Variants in DVL3 observed in about 807,000 individuals in gnomAD.
DVL3 encodes segment polarity protein dishevelled homolog DVL-3.
DVL3 carries 27 observed loss-of-function variants against 67.4 expected under a neutral mutation model. The ratio of observed to expected loss-of-function variants is 0.40; its 90% CI spans 0.30 to 0.55. The LOEUF (loss-of-function observed/expected upper bound fraction) is 0.55. Among genes scored for constraint, DVL3 ranks in the 20% least tolerant of loss-of-function variants. The pLI, the probability that DVL3 is intolerant of heterozygous loss-of-function variation, is 0.46. For missense variants in DVL3, 819 were observed against 1,021.5 expected (o/e 0.80, Z 2.70); for synonymous variants, 369 against 396.8 (o/e 0.93, Z 0.83).
rs183721859 is a variant in DVL3, at chr3:184,166,010, C to T, written c.764-116C>T. ...ATGTTTGAGCATGCTGAGTGCAGTG[C>T]CTGATTCAGGATCAGCAAATGTCAG... On this transcript the variant is annotated intron_variant, in intron 7 of 14. Coordinates refer to ENST00000313143, the MANE Select transcript of DVL3 (RefSeq NM_004423.4). The surrounding 1 kb of genome is among the most constrained non-coding windows in gnomAD (Gnocchi z 6.7). 2.7e-5 allele frequency: 35 copies of T among 1,288,138 alleles called. No homozygotes were observed. In the African/African-American group the frequency reaches 5.1e-4, roughly 19 times the overall value. 79.8% of individuals were successfully genotyped at this position (1,288,138 alleles called of 1,614,324 possible). A position where few individuals can be genotyped will look rare whatever the true frequency, so the allele number is the denominator to read the frequency against.
In DVL3 at chr3:184,163,679, G is replaced by A. The variant is rs774816506; in HGVS notation, c.184G>A (p.Asp62Asn). 1 of 1,614,040 alleles carries A rather than the reference G, an allele frequency of 6.2e-7. No homozygotes were observed. Among genetic ancestry groups the A allele is most frequent in the South Asian group, 1.1e-5 (1 of 91,070 alleles). ...DFGVVKEEIS[D>N]DNAKLPCFNG... Reference sequence around the variant, plus strand: ...CAGAGTGGTGAAGGAGGAGATCTCGGATGACAATGCCAAGCTACCATGCTT... The same window carrying A: ...CAGAGTGGTGAAGGAGGAGATCTCGAATGACAATGCCAAGCTACCATGCTT... The change falls in exon 2 of 15, where the codon GAT (aspartate) becomes AAT (asparagine). Residue 62 changes from aspartate (D) to asparagine (N), a missense_variant. By Grantham distance (23) the Asp-to-Asn change is conservative. This residue lies in a region of DVL3 where 385 missense variants were observed against 486.8 expected (regional missense o/e 0.79). Transcript: ENST00000313143. This position sits in a 1 kb window ranked among gnomAD's most constrained non-coding sequence, Gnocchi z 4.5.
intron 13 of DVL3, among the ~76,000 whole-genome samples, chr3:184,169,330 T>C (rs192535736): frequency 1.3e-5 from 2 of 152,348 alleles, no homozygotes; most frequent in African/African-American, 4.8e-5. Flanking sequence ...CTGGTGGCTG[T>C]CTAGTATTTC....
At chr3:184,169,941 A>G in intron 13 of DVL3, 65 bp from the exon 14 acceptor site, 2 of 1,438,842 alleles carry the variant, frequency 1.4e-6, no homozygotes, top group South Asian at 1.3e-5. Context: ...TCCAGAGCCC[A>G]CCTGACCTAG....
intron 1 of DVL3, among the ~76,000 whole-genome samples, chr3:184,158,843 T>G (rs1261353101): frequency 1.3e-5 from 2 of 149,948 alleles, no homozygotes; most frequent in Admixed American, 6.7e-5. Context: ...TGGCGCAATC[T>G]CGGCTCACTG....
Position 184,155,767 on chromosome 3 carries a change from C to T in DVL3, c.132C>T (p.Phe44=), listed in dbSNP as rs1336455122. ...TTTTGCAGCGACCCAGCTATAAGTT[C>T]TTCTTCAAGTCTATGGACGACGATT... ...KGVLQRPSYK[F]FFKSMDDDFG... The change falls in exon 1 of 15, where the codon TTC becomes TTT. Residue 44 remains phenylalanine (F), a synonymous_variant. Coordinates refer to ENST00000313143, the MANE Select transcript of DVL3 (RefSeq NM_004423.4). This position sits in a 1 kb window ranked among gnomAD's most constrained non-coding sequence, Gnocchi z 5.4. The T allele has an allele frequency of 6.2e-7, 1 of 1,612,590 alleles. No individual in the cohort carries two copies. The highest frequency in any genetic ancestry group is 1.3e-5 in the African/African-American group (1 of 74,914).
rs1257686808 is a variant in DVL3 at position 184,164,031 on chromosome 3, C to T, written c.232-236C>T. 6.6e-6 allele frequency among the ~76,000 whole-genome samples: 1 copy of T among 152,112 alleles called. No homozygotes were observed. ...TCATCTCTGCCTTAGACCTCTGAGCCTTGTTCTTTGTCCCCATTCCACTTC... is the reference window on the plus strand; with the variant it reads ...TCATCTCTGCCTTAGACCTCTGAGCTTTGTTCTTTGTCCCCATTCCACTTC... On this transcript the variant is annotated intron_variant, in intron 2 of 14. Transcript: ENST00000313143. The surrounding 1 kb of genome is among the most constrained non-coding windows in gnomAD (Gnocchi z 5.3).
chr3:184,168,252 C>T (rs1414690536), intron 13 of DVL3, among the ~76,000 whole-genome samples, 187 bp downstream of exon 13: 2 of 152,206 alleles, frequency 1.3e-5, no homozygotes, highest in Non-Finnish European at 2.9e-5. Flanking sequence ...CCACATCTCC[C>T]TCTTGGGCCT....
chr3:184,167,669 G>T lies in DVL3; in HGVS notation c.1288G>T (p.Asp430Tyr). 6.2e-7 allele frequency: 1 copy of T among 1,613,618 alleles called. No homozygotes were observed. The highest frequency in any genetic ancestry group is 1.1e-5 in the South Asian group (1 of 91,012). Residue 430 changes from aspartate to tyrosine, a missense_variant, in exon 12 of 15, where the codon GAC becomes TAC. Coordinates refer to ENST00000313143, the MANE Select transcript of DVL3 (RefSeq NM_004423.4). This position sits in a 1 kb window ranked among gnomAD's most constrained non-coding sequence, Gnocchi z 4.6. ...CCCTGAATCAGGGTTGGAGGTCCGTGACCGCATGTGGCTCAAGATTACCAT... is the reference window on the plus strand; with the variant it reads ...CCCTGAATCAGGGTTGGAGGTCCGTTACCGCATGTGGCTCAAGATTACCAT... ...ASPESGLEVR[D>Y]RMWLKITIPN... is the part of the protein sequence containing the mutation.
In DVL3 at chr3:184,172,419, T is replaced by G. The variant is rs2109025130; in HGVS notation, c.*1664T>G. Reference sequence around the variant, plus strand: ...TTGGGGTAAACCAAGGTAGGAACATTTTGGCATTTATTTCAATTAACAATA... The same window carrying G: ...TTGGGGTAAACCAAGGTAGGAACATGTTGGCATTTATTTCAATTAACAATA... On this transcript the variant is annotated 3_prime_UTR_variant, in exon 15 of 15. Transcript: ENST00000313143. 1 of 152,220 alleles carries G rather than the reference T, an allele frequency of 6.6e-6. No individual in the cohort carries two copies. The highest frequency in any genetic ancestry group is 2.1e-4 in the South Asian group (1 of 4,828). 9.4% of individuals were successfully genotyped at this position (152,220 alleles called of 1,614,324 possible). A position where few individuals can be genotyped will look rare whatever the true frequency, so the allele number is the denominator to read the frequency against.
Position 184,170,670 on chromosome 3 carries a change from C to T in DVL3, c.2066C>T (p.Ser689Leu). 6.2e-7 allele frequency: 1 copy of T among 1,613,438 alleles called. No homozygotes were observed. Among genetic ancestry groups the T allele is most frequent in the Non-Finnish European group, 8.5e-7 (1 of 1,179,750 alleles). The change falls in exon 15 of 15, where the codon TCA (serine) becomes TTA (leucine). Residue 689 changes from serine to leucine, a missense_variant. Transcript: ENST00000313143. This position sits in a 1 kb window ranked among gnomAD's most constrained non-coding sequence, Gnocchi z 6.5. ...GCCCCTCCGGGCCGCGACCTGGCCTCAGTGCCCCCGGAACTGACCGCCAGC... is the reference window on the plus strand; with the variant it reads ...GCCCCTCCGGGCCGCGACCTGGCCTTAGTGCCCCCGGAACTGACCGCCAGC... ...PGAPPGRDLA[S>L]VPPELTASRQ...
In DVL3 at chr3:184,166,430, C is replaced by T; in HGVS notation, c.904-16C>T. On this transcript the variant is annotated splice_polypyrimidine_tract_variant and intron_variant, in intron 8 of 14. Coordinates refer to ENST00000313143, the MANE Select transcript of DVL3 (RefSeq NM_004423.4). The surrounding 1 kb of genome is among the most constrained non-coding windows in gnomAD (Gnocchi z 6.7). ...CCCCAGCACAGCTGTTTATCCCACT[C>T]CTGGTCCTTTCCCAGGTAAACGAGA... 6.2e-7 allele frequency: 1 copy of T among 1,614,168 alleles called. No individual in the cohort carries two copies. Among genetic ancestry groups the T allele is most frequent in the African/African-American group, 1.3e-5 (1 of 75,052 alleles).
Position 184,165,451 on chromosome 3 carries a change from C to T in DVL3, c.723C>T (p.Ser241=), listed in dbSNP as rs373456313. ...RSSSFSSITD[S]TMSLNIITVT... ...CGTCCTTCAGCAGCATCACGGACTCCACCATGTCACTCAACATCATCACGG... is the reference window on the plus strand; with the variant it reads ...CGTCCTTCAGCAGCATCACGGACTCTACCATGTCACTCAACATCATCACGG... The change falls in exon 7 of 15, where the codon TCC becomes TCT. Residue 241 remains serine (S), a synonymous_variant. Transcript: ENST00000313143. This position sits in a 1 kb window ranked among gnomAD's most constrained non-coding sequence, Gnocchi z 4.1. The T allele has an allele frequency of 6.2e-7, 1 of 1,614,104 alleles. No individual in the cohort carries two copies. Among genetic ancestry groups the T allele is most frequent in the Non-Finnish European group, 8.5e-7 (1 of 1,180,000 alleles).
intron 1 of DVL3, among the ~76,000 whole-genome samples, chr3:184,162,554 T>C (rs1401054690): frequency 2.3e-5 from 3 of 131,344 alleles, no homozygotes; most frequent in Non-Finnish European, 5.1e-5. Flanking sequence ...TTTTTCTTTT[T>C]CTTTTCTTTT....
chr3:184,163,055 T>A lies in DVL3; in HGVS notation c.162-602T>A, dbSNP rs1223079700. Among the ~76,000 whole-genome samples the A allele has an allele frequency of 6.6e-6, 1 of 151,882 alleles. No individual in the cohort carries two copies. The highest frequency in any genetic ancestry group is 3.2e-3 in the Middle Eastern group (1 of 316). ...GTGCACACCACCACACCCGGCTAATTTTTGTATTTTTAGTAGAGATGGGGT... is the reference window on the plus strand; with the variant it reads ...GTGCACACCACCACACCCGGCTAATATTTGTATTTTTAGTAGAGATGGGGT... On this transcript the variant is annotated intron_variant, in intron 1 of 14. Coordinates refer to ENST00000313143, the MANE Select transcript of DVL3 (RefSeq NM_004423.4). The surrounding 1 kb of genome is among the most constrained non-coding windows in gnomAD (Gnocchi z 4.5).
In DVL3 at chr3:184,165,984, C is replaced by A; in HGVS notation, c.764-142C>A. 1 of 993,808 alleles carries A rather than the reference C, an allele frequency of 1.0e-6. No individual in the cohort carries two copies. The highest frequency in any genetic ancestry group is 1.5e-6 in the Non-Finnish European group (1 of 681,332). 61.6% of individuals were successfully genotyped at this position (993,808 alleles called of 1,614,324 possible). A position where few individuals can be genotyped will look rare whatever the true frequency, so the allele number is the denominator to read the frequency against. ...ATAGCCAGCAAGGGTTCCATGGAAG[C>A]ATGTTTGAGCATGCTGAGTGCAGTG... On this transcript the variant is annotated intron_variant, in intron 7 of 14. Transcript: ENST00000313143. This position sits in a 1 kb window ranked among gnomAD's most constrained non-coding sequence, Gnocchi z 4.1.
At chr3:184,168,799 T>C (rs2109023091) in intron 13 of DVL3, among the ~76,000 whole-genome samples, 1 of 152,314 alleles carries the variant, frequency 6.6e-6, no homozygotes, top group East Asian at 1.9e-4. Context: ...AGGCAGGTAT[T>C]CAGTCCTGGT....
rs997879096 is a variant in DVL3, at chr3:184,163,196, T to C, written c.162-461T>C. Among the ~76,000 whole-genome samples, 1 of 152,214 alleles carries C rather than the reference T, an allele frequency of 6.6e-6. No individual in the cohort carries two copies. The highest frequency in any genetic ancestry group is 1.5e-5 in the Non-Finnish European group (1 of 68,044). ...AGCTATCACGCCTGGCCTCCCCTTC[T>C]CTTTTCTAATTTTCTTAAATTCTTT... is the stretch of plus-strand genomic sequence containing the variant. On this transcript the variant is annotated intron_variant, in intron 1 of 14. Coordinates refer to ENST00000313143, the MANE Select transcript of DVL3 (RefSeq NM_004423.4). This position sits in a 1 kb window ranked among gnomAD's most constrained non-coding sequence, Gnocchi z 4.5.
intron 1 of DVL3, chr3:184,156,544 AAG>A: frequency 2.2e-6 from 1 of 450,110 alleles, no homozygotes; most frequent in Non-Finnish European, 4.5e-6. Flanking sequence ...GATAGCCAGG[AAG>A]AGTTTCTTGG....
In DVL3 at chr3:184,164,934, G is replaced by A. The variant is rs1714523524; in HGVS notation, c.599+3G>A. The A allele has an allele frequency of 1.2e-6, 2 of 1,614,024 alleles. No individual in the cohort carries two copies. Among genetic ancestry groups the A allele is most frequent in the Non-Finnish European group, 1.7e-6 (2 of 1,180,024 alleles). ...GATGAGGATGACTCCACCAGCAGGT[G>A]GGGCTTGAGTTTCATGGGTATTGTG... On this transcript the variant is annotated splice_donor_region_variant and intron_variant, in intron 5 of 14. Coordinates refer to ENST00000313143, the MANE Select transcript of DVL3 (RefSeq NM_004423.4). The surrounding 1 kb of genome is among the most constrained non-coding windows in gnomAD (Gnocchi z 5.3).
Sources: gnomAD v4.1 joint callset for allele counts (sites outside exome capture counted in the v4.1 genomes callset) on GRCh38, gnomAD v4.1.1 for gene constraint, gnomAD v4.1.1 regional missense constraint, Gnocchi (gnomAD v3.1) non-coding constraint, MANE v1.5 for transcripts, NCBI Gene and HGNC (gene_info 2026-07-23, HGNC 2026-07-21) for gene names.